The following SSBP2 variants were observed in gnomAD, a reference collection of about 807,000 sequenced individuals.
The protein encoded by SSBP2 is single-stranded DNA-binding protein 2.
SSBP2 carries 17 observed loss-of-function variants against 61.8 expected under a neutral mutation model. The ratio of observed to expected loss-of-function variants is 0.28; its 90% CI spans 0.19 to 0.41. The LOEUF is 0.41. Among genes scored for constraint, SSBP2 ranks in the 10% least tolerant of loss-of-function variants. The pLI is 1.00. For synonymous variants in SSBP2, 139 were observed against 141.3 expected (o/e 0.98, Z 0.12); for missense variants, 310 against 458.7 (o/e 0.68, Z 2.96).
At position 81,734,649 on chromosome 5, in the gene SSBP2, T is replaced by TA. The variant is rs1170619986; in HGVS notation, c.62+16331dup. Among the ~76,000 whole-genome samples, 5 of 152,290 alleles carry TA rather than the reference T, an allele frequency of 3.3e-5. No homozygotes were observed. The East Asian group carries it at 9.6e-4, about 29-fold the overall frequency. On this transcript the variant is annotated intron_variant, in intron 1 of 16. Transcript: ENST00000320672. ...TTACCTTTATTGAAGATTTTTCAAA[T>TA]AATGTCACTTTATTCCAGTTCCCGA...
intron 5 of SSBP2, among the ~76,000 whole-genome samples, chr5:81,501,212 AATATATATATATATAT>A (rs1167504052): frequency 0.013 from 386 of 28,808 alleles, 17 homozygotes; most frequent in African/African-American, 0.013. Context: ...CTCCATCTCA[AATATATATATATATAT>A]ATATATATAT....
Position 81,489,259 on chromosome 5 carries a change from T to A in SSBP2, c.423A>T (p.Ile141=). Reference sequence around the variant, plus strand: ...AGCACATAAATCTTACCTGATTAGGTATCCTCAATGGGGGCCTTGGACCTC... The same window carrying A: ...AGCACATAAATCTTACCTGATTAGGAATCCTCAATGGGGGCCTTGGACCTC... The change falls in exon 6 of 17, where the codon ATA becomes ATT. Residue 141 remains isoleucine (I), a synonymous_variant. Transcript: ENST00000320672. The A allele has an allele frequency of 6.2e-7, 1 of 1,609,166 alleles. No individual in the cohort carries two copies. Among genetic ancestry groups the A allele is most frequent in the Non-Finnish European group, 8.5e-7 (1 of 1,178,326 alleles).
intron 1 of SSBP2, among the ~76,000 whole-genome samples, chr5:81,727,290 C>T (rs1581429738): frequency 6.6e-6 from 1 of 152,190 alleles, no homozygotes; most frequent in African/African-American, 2.4e-5. Flanking sequence ...TGGCTCACGC[C>T]TGTAATTCCA....
At chr5:81,546,700 C>T (rs1467331780) in intron 4 of SSBP2, among the ~76,000 whole-genome samples, 3 of 151,864 alleles carry the variant, frequency 2.0e-5, no homozygotes, top group Non-Finnish European at 4.4e-5. Context: ...TTTTCCTTTC[C>T]ATTAATTTTA....
At chr5:81,603,522 A>C (rs1191810170) in intron 4 of SSBP2, among the ~76,000 whole-genome samples, 1 of 152,208 alleles carries the variant, frequency 6.6e-6, no homozygotes, top group Non-Finnish European at 1.5e-5. Context: ...GCATGATCAC[A>C]TTGCAGAAGA....
intron 14 of SSBP2, 157 bp from the exon 15 acceptor site, chr5:81,437,615 G>T: frequency 1.8e-6 from 1 of 570,510 alleles, no homozygotes; most frequent in Non-Finnish European, 3.0e-6. Flanking sequence ...CTTTTATACA[G>T]TATAGTGAAT....
At chr5:81,680,824 G>A (rs1752327830) in intron 1 of SSBP2, among the ~76,000 whole-genome samples, 1 of 152,144 alleles carries the variant, frequency 6.6e-6, no homozygotes, top group South Asian at 2.1e-4. Flanking sequence ...TATTATACTT[G>A]GAGACTTTAA....
Position 81,664,105 on chromosome 5 carries a change from C to CT in SSBP2, c.63-13767dup, listed in dbSNP as rs897761100. 1.1e-3 allele frequency among the ~76,000 whole-genome samples: 156 copies of CT among 143,708 alleles called. 1 individual carries two copies. The highest frequency in any genetic ancestry group is 3.5e-3 in the Middle Eastern group (1 of 286). The allele number at this position is 143,708 out of a possible 152,430, so 94.3% of individuals were successfully genotyped here. A position where few individuals can be genotyped will look rare whatever the true frequency, so the allele number is the denominator to read the frequency against. On this transcript the variant is annotated intron_variant, in intron 1 of 16. Transcript: ENST00000320672. ...TTTATCTCTGTATGTACTTTTTTAA[C>CT]TTTTTTTTTTGTTTTTTGTTTTTGT... is the stretch of plus-strand genomic sequence containing the variant.
At chr5:81,551,123 T>C (rs1233416532) in intron 4 of SSBP2, among the ~76,000 whole-genome samples, 1 of 142,280 alleles carries the variant, frequency 7.0e-6, no homozygotes, top group East Asian at 2.0e-4. Flanking sequence ...AAAGAAATCA[T>C]AGAAGAAGAA....
At chr5:81,582,545 A>G (rs1275236247) in intron 4 of SSBP2, among the ~76,000 whole-genome samples, 2 of 152,220 alleles carry the variant, frequency 1.3e-5, no homozygotes, top group Non-Finnish European at 2.9e-5. Context: ...AAAATCTTCA[A>G]TAATTGCTGA....
At chr5:81,506,550 G>C (rs942126156) in intron 5 of SSBP2, among the ~76,000 whole-genome samples, 2 of 152,134 alleles carry the variant, frequency 1.3e-5, no homozygotes, top group African/African-American at 4.8e-5. Flanking sequence ...TCCTGGCTTA[G>C]AGTACTTTCT....
In SSBP2 at chr5:81,446,899, T is replaced by C; in HGVS notation, c.747A>G (p.Pro249=). 7 of 1,607,308 alleles carry C rather than the reference T, an allele frequency of 4.4e-6. No homozygotes were observed. Among genetic ancestry groups the C allele is most frequent in the South Asian group, 1.1e-5 (1 of 89,504 alleles). Residue 249 remains proline, a synonymous_variant, in exon 12 of 17, where the codon CCA becomes CCG. Transcript: ENST00000320672. ...GACTAGGCATGATGGGTGTTCCTGG[T>C]GGCCCTCCACCTCCTGGAGGACCCT...
intron 4 of SSBP2, among the ~76,000 whole-genome samples, chr5:81,526,655 A>C (rs914579980): frequency 6.6e-6 from 1 of 152,088 alleles, no homozygotes; most frequent in Non-Finnish European, 1.5e-5. Context: ...ATATATTTTT[A>C]AATCAACCTT....
rs1554092993 is a variant in SSBP2, at chr5:81,587,925, ATC to A, written c.282+27546_282+27547del. Reference sequence around the variant, plus strand: ...CCAATCATTTTCTGGGCTTGCCACTATCTTAGTGCAAAACATCTTGGTCGTTA... The same window carrying A: ...CCAATCATTTTCTGGGCTTGCCACTATTAGTGCAAAACATCTTGGTCGTTA... On this transcript the variant is annotated intron_variant, in intron 4 of 16. Transcript: ENST00000320672. Among the ~76,000 whole-genome samples, 4 of 152,300 alleles carry A rather than the reference ATC, an allele frequency of 2.6e-5. No homozygotes were observed. The East Asian group carries it at 7.7e-4, about 29-fold the overall frequency.
intron 1 of SSBP2, among the ~76,000 whole-genome samples, chr5:81,682,796 G>A (rs933561273): frequency 5.3e-5 from 8 of 152,010 alleles, no homozygotes; most frequent in Non-Finnish European, 1.0e-4. Flanking sequence ...ACCCTTGCTG[G>A]AACTAATAAA....
Position 81,635,864 on chromosome 5 carries a change from G to A in SSBP2, c.197+693C>T, listed in dbSNP as rs566011215. On this transcript the variant is annotated intron_variant, in intron 3 of 16. Coordinates refer to ENST00000320672, the MANE Select transcript of SSBP2 (RefSeq NM_012446.5). ...CTCCCAAAGTGCTGGGATTACAGGC[G>A]TGAGCCCAGCCTGAAAGCAATCTTA... Among the ~76,000 whole-genome samples, 28 of 152,282 alleles carry A rather than the reference G, an allele frequency of 1.8e-4. No individual in the cohort carries two copies. In the South Asian group the frequency reaches 4.1e-3, roughly 23 times the overall value.
chr5:81,593,510 G>C (rs1317917402), intron 4 of SSBP2, among the ~76,000 whole-genome samples: 4 of 152,142 alleles, frequency 2.6e-5, no homozygotes, highest in Non-Finnish European at 5.9e-5. Context: ...GATACTCCTT[G>C]AGAAGAGCAA....
rs76205749 is a variant in SSBP2 at position 81,550,086 on chromosome 5, A to G, written c.283-36369T>C. On this transcript the variant is annotated intron_variant, in intron 4 of 16. Coordinates refer to ENST00000320672, the MANE Select transcript of SSBP2 (RefSeq NM_012446.5). Reference sequence around the variant, plus strand: ...AAAGAAATAGAAGACTATATCTCACATATTTACTCTTGCTTGCTGTACTGG... The same window carrying G: ...AAAGAAATAGAAGACTATATCTCACGTATTTACTCTTGCTTGCTGTACTGG... 8.8e-3 allele frequency among the ~76,000 whole-genome samples: 1,346 copies of G among 152,258 alleles called. 30 individuals carry two copies. The highest frequency in any genetic ancestry group is 0.031 in the African/African-American group (1,280 of 41,542).
Position 81,682,907 on chromosome 5 carries a change from A to G in SSBP2, c.63-32568T>C, listed in dbSNP as rs558598064. 7.9e-5 allele frequency among the ~76,000 whole-genome samples: 12 copies of G among 152,274 alleles called. No individual in the cohort carries two copies. The South Asian group carries it at 2.5e-3, about 32-fold the overall frequency. The stretch of plus-strand genomic sequence containing the variant: ...AATTTAAAATTAAAAATACATTACC[A>G]TTTACATTAGCACCCTAGAAATGAG... On this transcript the variant is annotated intron_variant, in intron 1 of 16. Coordinates refer to ENST00000320672, the MANE Select transcript of SSBP2 (RefSeq NM_012446.5).
Sources: gnomAD v4.1 joint callset for allele counts (sites outside exome capture counted in the v4.1 genomes callset) on GRCh38, gnomAD v4.1.1 for gene constraint, MANE v1.5 for transcripts, NCBI Gene and HGNC (gene_info 2026-07-23, HGNC 2026-07-21) for gene names.